The following ARID1B variants were observed in gnomAD, a reference collection of about 807,000 sequenced individuals.
The protein encoded by ARID1B is AT-rich interactive domain-containing protein 1B.
In ARID1B, 30 loss-of-function variants were observed where a neutral mutation model predicts 212.3. That is an observed-to-expected ratio of 0.14 (90% CI 0.11 to 0.19). The LOEUF (loss-of-function observed/expected upper bound fraction) is 0.19. ARID1B is among the 10% of genes least tolerant of loss of function. The pLI, the probability that ARID1B is intolerant of heterozygous loss-of-function variation, is 1.00. For missense variants in ARID1B, 2,891 were observed against 3,204.0 expected, an observed-to-expected ratio of 0.90 and a Z score of 2.36; for synonymous variants, 1,402 against 1,301.7, an observed-to-expected ratio of 1.08 and a Z score of -1.66.
chr6:157,020,958 TAAAG>T (rs889685152), intron 4 of ARID1B, among the ~76,000 whole-genome samples: 3 of 152,200 alleles, frequency 2.0e-5, no homozygotes, highest in Non-Finnish European at 2.9e-5. Context: ...CAGAATTCGA[TAAAG>T]AAATGAGAAA....
chr6:156,845,005 A>G (rs1562429824), intron 2 of ARID1B, among the ~76,000 whole-genome samples: 2 of 152,274 alleles, frequency 1.3e-5, no homozygotes, highest in Non-Finnish European at 1.5e-5. Context: ...TTTCATGTTC[A>G]TGGATGACCA....
intron 4 of ARID1B, among the ~76,000 whole-genome samples, chr6:157,076,881 T>C (rs1784347648): frequency 6.6e-6 from 1 of 152,222 alleles, no homozygotes; most frequent in African/African-American, 2.4e-5. Context: ...TGGTATTAGG[T>C]GATTTTTTCC....
intron 1 of ARID1B, among the ~76,000 whole-genome samples, chr6:156,828,305 C>G (rs1210680590): frequency 6.6e-6 from 1 of 152,110 alleles, no homozygotes; most frequent in African/African-American, 2.4e-5. Context: ...AATTCTTAAG[C>G]CTTCCTGAAA....
At chr6:156,953,861 G>C (rs1432140875) in intron 4 of ARID1B, among the ~76,000 whole-genome samples, 1 of 152,178 alleles carries the variant, frequency 6.6e-6, no homozygotes, top group Non-Finnish European at 1.5e-5. Flanking sequence ...TTGATTTTTA[G>C]AGTGGTTACT....
chr6:156,837,610 A>G (rs1278440447), intron 2 of ARID1B, among the ~76,000 whole-genome samples: 1 of 152,246 alleles, frequency 6.6e-6, no homozygotes, highest in Admixed American at 6.5e-5. Flanking sequence ...TTATTTTTAC[A>G]TGTAATAAAT....
chr6:157,047,683 T>G (rs1173954868), intron 4 of ARID1B, among the ~76,000 whole-genome samples: 1 of 152,252 alleles, frequency 6.6e-6, no homozygotes, highest in Non-Finnish European at 1.5e-5. Flanking sequence ...AGTGGTCTTT[T>G]TAAGAGAGCA....
intron 8 of ARID1B, chr6:157,149,987 C>G (rs753680161): frequency 1.3e-5 from 2 of 152,178 alleles, no homozygotes; most frequent in Non-Finnish European, 2.9e-5. Flanking sequence ...CTTTCTGTCT[C>G]CACATTACAA....
At chr6:157,166,684 G>GTGTT in intron 8 of ARID1B, 1 of 169,668 alleles carries the variant, frequency 5.9e-6, no homozygotes, top group African/African-American at 2.4e-5. Flanking sequence ...TTACTAAGTA[G>GTGTT]TGTTAATAGT....
At chr6:157,162,189 C>G (rs1480037997) in intron 8 of ARID1B, among the ~76,000 whole-genome samples, 1 of 152,228 alleles carries the variant, frequency 6.6e-6, no homozygotes. Flanking sequence ...CCTAAATATT[C>G]TTCTCTAAAG....
intron 5 of ARID1B, among the ~76,000 whole-genome samples, chr6:157,093,109 G>T (rs772556266): frequency 2.2e-4 from 33 of 152,180 alleles, no homozygotes; most frequent in Non-Finnish European, 4.3e-4. Flanking sequence ...ATTCAGAATG[G>T]AGGGGTACAA....
intron 4 of ARID1B, among the ~76,000 whole-genome samples, chr6:156,958,456 G>GA (rs1197367407): frequency 6.6e-6 from 1 of 152,204 alleles, no homozygotes; most frequent in Non-Finnish European, 1.5e-5. Context: ...GGGAGAAGGA[G>GA]AATTTATGAA....
rs371461578 is a variant in ARID1B at position 157,207,775 on chromosome 6, C to T, written c.7003C>T (p.Arg2335Cys). 10 of 1,571,288 alleles carry T rather than the reference C, an allele frequency of 6.4e-6. No homozygotes were observed. The highest frequency in any genetic ancestry group is 8.7e-6 in the Non-Finnish European group (10 of 1,154,928). ...LLAMARVDEN[R>C]SEFLLHEGRL... The stretch of plus-strand genomic sequence containing the variant: ...AGCCATGGCCAGAGTGGACGAAAAC[C>T]GCTCGGAATTCCTTTTGCACGAGGG... Residue 2335 changes from arginine to cysteine, a missense_variant, in exon 20 of 20, where the codon CGC becomes TGC. Coordinates refer to ENST00000636930, the MANE Select transcript of ARID1B (RefSeq NM_001374828.1). The surrounding 1 kb of genome is among the most constrained non-coding windows in gnomAD (Gnocchi z 8.5).
In ARID1B at chr6:156,961,959, G is replaced by T. The variant is rs182067767; in HGVS notation, c.2247+26383G>T. 3.0e-4 allele frequency among the ~76,000 whole-genome samples: 46 copies of T among 152,104 alleles called. No individual in the cohort carries two copies. The East Asian group carries it at 6.8e-3, about 22-fold the overall frequency. On this transcript the variant is annotated intron_variant, in intron 4 of 19. Transcript: ENST00000636930. The stretch of plus-strand genomic sequence containing the variant: ...TTTTACTAGGGTCAGTAAATGGACT[G>T]ATTTCTCTGATAGAATAATTTTACA...
chr6:156,840,828 C>G (rs1331402311), intron 2 of ARID1B, among the ~76,000 whole-genome samples: 1 of 152,124 alleles, frequency 6.6e-6, no homozygotes, highest in African/African-American at 2.4e-5. Context: ...GATTCTAACC[C>G]CATTGAGTAA....
chr6:156,842,280 C>T (rs561844252), intron 2 of ARID1B, among the ~76,000 whole-genome samples: 93 of 152,260 alleles, frequency 6.1e-4, no homozygotes, highest in Admixed American at 1.1e-3. Flanking sequence ...CTCTGTTGTC[C>T]CTCTTCCCCC....
intron 3 of ARID1B, among the ~76,000 whole-genome samples, chr6:156,914,359 C>A (rs1369177325): frequency 6.6e-6 from 1 of 152,242 alleles, no homozygotes; most frequent in Non-Finnish European, 1.5e-5. Context: ...TTCCTTCCAT[C>A]CTTCGCCTGT....
chr6:156,791,959 A>G (rs1583049346), intron 1 of ARID1B, among the ~76,000 whole-genome samples: 1 of 152,314 alleles, frequency 6.6e-6, no homozygotes, highest in East Asian at 1.9e-4. Flanking sequence ...AATGCTAGGA[A>G]TTAAATACTT....
chr6:156,793,580 C>T (rs1780158517), intron 1 of ARID1B, among the ~76,000 whole-genome samples: 1 of 152,166 alleles, frequency 6.6e-6, no homozygotes, highest in Non-Finnish European at 1.5e-5. Context: ...AAGCAGTTCT[C>T]CTGCCTCAGC....
intron 1 of ARID1B, among the ~76,000 whole-genome samples, chr6:156,788,800 A>T (rs2175872): frequency 0.21 from 31,292 of 152,078 alleles, 3,591 homozygotes; most frequent in African/African-American, 0.27. Context: ...ATAAAGAGCA[A>T]TTTTTTTTAA....
Sources: gnomAD v4.1 joint callset for allele counts (sites outside exome capture counted in the v4.1 genomes callset) on GRCh38, gnomAD v4.1.1 for gene constraint, Gnocchi (gnomAD v3.1) non-coding constraint, MANE v1.5 for transcripts, NCBI Gene and HGNC (gene_info 2026-07-23, HGNC 2026-07-21) for gene names.